Variants in HIP1R observed in about 807,000 individuals in gnomAD.
The protein encoded by HIP1R is huntingtin-interacting protein 1-related protein.
A neutral mutation model predicts 144.2 loss-of-function variants in HIP1R; 135 were observed. The ratio of observed to expected loss-of-function variants is 0.94; its 90% CI spans 0.81 to 1.08. The LOEUF (loss-of-function observed/expected upper bound fraction) is 1.08, where lower values mean the gene tolerates loss of function less well. Among genes scored for constraint, HIP1R ranks in the 50% least tolerant of loss-of-function variants. The pLI is 0.00. For synonymous variants in HIP1R, 698 were observed against 612.8 expected, an observed-to-expected ratio of 1.14 and a Z score of -2.05; for missense variants, 1,462 against 1,432.8, an observed-to-expected ratio of 1.02 and a Z score of -0.33.
chr12:122,857,267 AC>A (rs1566112780), intron 18 of HIP1R, 52 bp downstream of exon 18: 2 of 1,485,708 alleles, frequency 1.3e-6, no homozygotes. Flanking sequence ...CCGTCTGGCA[AC>A]CATCGATCTG....
At chr12:122,860,120 C>T in intron 25 of HIP1R, 28 bp from the exon 26 acceptor site, 3 of 1,587,088 alleles carry the variant, frequency 1.9e-6, no homozygotes, top group East Asian at 2.2e-5. Flanking sequence ...TGGAGGGCCA[C>T]CAGTCATTGC....
Position 122,862,233 on chromosome 12 carries a change from T to G in HIP1R, c.*480T>G, listed in dbSNP as rs1270584765. On this transcript the variant is annotated 3_prime_UTR_variant, in exon 32 of 32. Coordinates refer to ENST00000253083, the MANE Select transcript of HIP1R (RefSeq NM_003959.3). Reference sequence around the variant, plus strand: ...AGGGTCAGGCATCCTGTCTGTGGCCTTCTGGGGCACCGATTCTACCAGGCC... The same window carrying G: ...AGGGTCAGGCATCCTGTCTGTGGCCGTCTGGGGCACCGATTCTACCAGGCC... 2.5e-5 allele frequency: 4 copies of G among 158,836 alleles called. No homozygotes were observed. The highest frequency in any genetic ancestry group is 4.1e-5 in the Non-Finnish European group (3 of 72,916). The allele number at this position is 158,836 out of a possible 1,614,324, so 9.8% of individuals were successfully genotyped here. A position where few individuals can be genotyped will look rare whatever the true frequency, so the allele number is the denominator to read the frequency against.
In HIP1R at chr12:122,859,835, G is replaced by GC. The variant is rs34925212; in HGVS notation, c.2465+11dup. 9 of 1,611,780 alleles carry GC rather than the reference G, an allele frequency of 5.6e-6. No individual in the cohort carries two copies. The highest frequency in any genetic ancestry group is 7.6e-6 in the Non-Finnish European group (9 of 1,179,308). Reference sequence around the variant, plus strand: ...GAAGCTGGAGGTGAACGAGAGGTGAGCCCCCCTTCTGTCCCCCCAGGCCCA... The same window carrying GC: ...GAAGCTGGAGGTGAACGAGAGGTGAGCCCCCCCTTCTGTCCCCCCAGGCCCA... On this transcript the variant is annotated splice_donor_region_variant and intron_variant, in intron 24 of 31. Transcript: ENST00000253083.
chr12:122,851,305 G>A lies in HIP1R; in HGVS notation c.577+8G>A, dbSNP rs746210719. 1.5e-4 allele frequency: 233 copies of A among 1,545,274 alleles called. 1 individual carries two copies. In the South Asian group the frequency reaches 2.4e-3, roughly 16 times the overall value. On this transcript the variant is annotated splice_region_variant and intron_variant, in intron 7 of 31. Transcript: ENST00000253083. Reference sequence around the variant, plus strand: ...TGAAGCTTTCTGAATCAGGTGAGCCGTAAAGAGGGGATGCGGGGGTCTGAG... The same window carrying A: ...TGAAGCTTTCTGAATCAGGTGAGCCATAAAGAGGGGATGCGGGGGTCTGAG...
intron 1 of HIP1R, 34 bp downstream of exon 1, chr12:122,835,677 CGGCGGGCG>C: frequency 1.1e-6 from 1 of 920,454 alleles, no homozygotes; most frequent in Non-Finnish European, 1.3e-6. Context: ...CGGCGGGCGG[CGGCGGGCG>C]GGCGGGCAAG....
Position 122,860,696 on chromosome 12 carries a change from T to G in HIP1R, c.2678T>G (p.Val893Gly). Residue 893 changes from valine (V) to glycine (G), a missense_variant, in exon 28 of 32, where the codon GTG becomes GGG. Around this residue, in one of 2 missense-constraint regions of HIP1R, gnomAD observed 1,112 missense variants for 1,011.7 expected, o/e 1.10. Transcript: ENST00000253083. ...ATQLVEAADK[V>G]VLHTGKYEEL... is the part of the protein sequence containing the mutation. The stretch of plus-strand genomic sequence containing the variant: ...ACCCGCAGGGAGGCAGCTGACAAGG[T>G]GGTGCTTCACACGGGCAAGTATGAG... The G allele has an allele frequency of 6.2e-7, 1 of 1,613,158 alleles. No homozygotes were observed. Among genetic ancestry groups the G allele is most frequent in the Non-Finnish European group, 8.5e-7 (1 of 1,179,902 alleles).
chr12:122,859,327 C>T, intron 22 of HIP1R, 99 bp from the exon 23 acceptor site: 5 of 1,458,362 alleles, frequency 3.4e-6, no homozygotes, highest in East Asian at 2.3e-5. Flanking sequence ...GGGGACCATG[C>T]ACCCTCCTCG....
Position 122,854,311 on chromosome 12 carries a change from C to A in HIP1R, c.718+128C>A, listed in dbSNP as rs1219265783. 3 of 560,910 alleles carry A rather than the reference C, an allele frequency of 5.3e-6. No individual in the cohort carries two copies. In the East Asian group the frequency reaches 1.0e-4, roughly 19 times the overall value. The allele number at this position is 560,910 out of a possible 1,614,324, so 34.7% of individuals were successfully genotyped here. A position where few individuals can be genotyped will look rare whatever the true frequency, so the allele number is the denominator to read the frequency against. On this transcript the variant is annotated intron_variant, in intron 8 of 31. Coordinates refer to ENST00000253083, the MANE Select transcript of HIP1R (RefSeq NM_003959.3). ...AAAAATGGCAGTAATAAACCCACTGCCCATTAATAGAAATAACATATATTT... is the reference window on the plus strand; with the variant it reads ...AAAAATGGCAGTAATAAACCCACTGACCATTAATAGAAATAACATATATTT...
chr12:122,844,764 TAATC>T (rs2033161059), intron 1 of HIP1R, among the ~76,000 whole-genome samples: 2 of 152,186 alleles, frequency 1.3e-5, no homozygotes, highest in African/African-American at 2.4e-5. Flanking sequence ...CTGAGGTCCA[TAATC>T]AATCCCTTCC....
chr12:122,854,831 G>A, intron 8 of HIP1R, 74 bp from the exon 9 acceptor site: 1 of 1,476,020 alleles, frequency 6.8e-7, no homozygotes, highest in South Asian at 1.2e-5. Context: ...GTAGCATACG[G>A]AGGAACAAGG....
rs1263233295 is a variant in HIP1R at position 122,836,482 on chromosome 12, G to A, written c.93+839G>A. Among the ~76,000 whole-genome samples the A allele has an allele frequency of 6.6e-6, 1 of 152,160 alleles. No individual in the cohort carries two copies. Among genetic ancestry groups the A allele is most frequent in the African/African-American group, 2.4e-5 (1 of 41,442 alleles). Reference sequence around the variant, plus strand: ...TGTGTTTGTGCCGGGGACCCACGATGCAGACGTTGCTGCGTTTCTGGTTTC... The same window carrying A: ...TGTGTTTGTGCCGGGGACCCACGATACAGACGTTGCTGCGTTTCTGGTTTC... On this transcript the variant is annotated intron_variant, in intron 1 of 31. Coordinates refer to ENST00000253083, the MANE Select transcript of HIP1R (RefSeq NM_003959.3). This position sits in a 1 kb window ranked among gnomAD's most constrained non-coding sequence, Gnocchi z 4.1.
chr12:122,860,865 T>TG, intron 28 of HIP1R, 51 bp from the exon 29 acceptor site: 1 of 1,597,912 alleles, frequency 6.3e-7, no homozygotes, highest in Non-Finnish European at 8.5e-7. Context: ...CCAGGCCTGC[T>TG]GCTGCCCTGA....
At chr12:122,848,676 C>A in intron 3 of HIP1R, 68 bp downstream of exon 3, 1 of 1,594,034 alleles carries the variant, frequency 6.3e-7, no homozygotes, top group Non-Finnish European at 8.6e-7. Context: ...CGGGCTCTGG[C>A]CCTGTTCCTG....
In HIP1R at chr12:122,857,072, G is replaced by A; in HGVS notation, c.1672G>A (p.Ala558Thr). Residue 558 changes from alanine (A) to threonine (T), a missense_variant, in exon 18 of 32, where the codon GCT (alanine) becomes ACT (threonine). By Grantham distance (58) the Ala-to-Thr change is moderately conservative. Coordinates refer to ENST00000253083, the MANE Select transcript of HIP1R (RefSeq NM_003959.3). ...GGACACGCTGAGTGCGGAGAAGGAT[G>A]CTCTGAGTGGAGCTGTGCGGCAGCG... ...RLDTLSAEKD[A>T]LSGAVRQREA... 2 of 1,551,624 alleles carry A rather than the reference G, an allele frequency of 1.3e-6. No homozygotes were observed. Among genetic ancestry groups the A allele is most frequent in the Non-Finnish European group, 1.7e-6 (2 of 1,147,744 alleles).
chr12:122,861,284 G>A, intron 30 of HIP1R, 24 bp from the exon 31 acceptor site: 1 of 1,613,634 alleles, frequency 6.2e-7, no homozygotes, highest in African/African-American at 1.3e-5. Flanking sequence ...GCTGGGCTGG[G>A]CTGAGCAGGC....
chr12:122,849,109 G>A (rs910039532), intron 4 of HIP1R, among the ~76,000 whole-genome samples: 8 of 152,192 alleles, frequency 5.3e-5, no homozygotes, highest in African/African-American at 1.7e-4. Flanking sequence ...GGGAAATGTG[G>A]CAAGACCACA....
At chr12:122,843,024 C>T (rs1045596751) in intron 1 of HIP1R, among the ~76,000 whole-genome samples, 2 of 152,206 alleles carry the variant, frequency 1.3e-5, no homozygotes, top group African/African-American at 4.8e-5. Flanking sequence ...TGGGAAGGGC[C>T]CTTGGCTCTG....
upstream of HIP1R, among the ~76,000 whole-genome samples, chr12:122,835,204 C>T (rs1267491849): frequency 3.0e-5 from 1 of 33,730 alleles, no homozygotes; most frequent in Non-Finnish European, 5.4e-5. Flanking sequence ...TGGAGGTGTG[C>T]GGGGGGCGGG....
chr12:122,839,126 C>T (rs1011226984), intron 1 of HIP1R, among the ~76,000 whole-genome samples: 28 of 152,256 alleles, frequency 1.8e-4, no homozygotes, highest in Non-Finnish European at 3.8e-4. Context: ...TCTCCCTTCC[C>T]TTCCTCGGCT....
Sources: gnomAD v4.1 joint callset for allele counts (sites outside exome capture counted in the v4.1 genomes callset) on GRCh38, gnomAD v4.1.1 for gene constraint, gnomAD v4.1.1 regional missense constraint, Gnocchi (gnomAD v3.1) non-coding constraint, MANE v1.5 for transcripts, NCBI Gene and HGNC (gene_info 2026-07-23, HGNC 2026-07-21) for gene names.